DCC: variants seen among roughly 807,000 people sequenced by gnomAD.
The protein encoded by DCC is DCC netrin 1 receptor.
In DCC, 58 loss-of-function variants were observed where a neutral mutation model predicts 172.5. The observed-to-expected ratio is 0.34, with a 90% CI of 0.27 to 0.42. The LOEUF (loss-of-function observed/expected upper bound fraction) is 0.42, where lower values mean the gene tolerates loss of function less well. Among genes scored for constraint, DCC ranks in the 10% least tolerant of loss-of-function variants. The probability of loss-of-function intolerance (pLI) is 1.00; values close to 1 mark genes in which losing one functional copy is unlikely to be tolerated. For missense variants in DCC, 1,740 were observed against 1,791.0 expected (o/e 0.97, Z 0.51); for synonymous variants, 709 against 644.5 (o/e 1.10, Z -1.52).
At chr18:52,688,333 A>T (rs1039190563) in intron 1 of DCC, among the ~76,000 whole-genome samples, 1 of 152,026 alleles carries the variant, frequency 6.6e-6, no homozygotes, top group African/African-American at 2.4e-5. Flanking sequence ...CAATATTTTA[A>T]TTTTATAGAC....
intron 1 of DCC, among the ~76,000 whole-genome samples, chr18:52,503,033 C>G (rs1054256033): frequency 1.3e-5 from 2 of 152,098 alleles, no homozygotes; most frequent in African/African-American, 4.8e-5. Flanking sequence ...CTCAGAAGGG[C>G]CTATTATATA....
At chr18:53,308,045 A>G (rs1461516663) in intron 13 of DCC, among the ~76,000 whole-genome samples, 1 of 150,044 alleles carries the variant, frequency 6.7e-6, no homozygotes, top group African/African-American at 2.4e-5. Flanking sequence ...TCCAAATTCT[A>G]CGAGTTTATC....
chr18:52,649,384 A>AG (rs1441933707), intron 1 of DCC, among the ~76,000 whole-genome samples: 28 of 151,984 alleles, frequency 1.8e-4, no homozygotes, highest in Admixed American at 1.8e-3. Flanking sequence ...AAAAAAAAAA[A>AG]AAAAAGATTA....
In DCC at chr18:53,254,665, G is replaced by T. The variant is rs137950004; in HGVS notation, c.1911+39068G>T. Among the ~76,000 whole-genome samples the T allele has an allele frequency of 1.6e-3, 245 of 152,122 alleles. 2 individuals carry two copies. Among genetic ancestry groups the T allele is most frequent in the African/African-American group, 5.2e-3 (216 of 41,524 alleles). ...ATTCCCATGCAGGATCCTAGGGAAAGTTTATTAGCAGGTGCATTTAAAATA... is the reference window on the plus strand; with the variant it reads ...ATTCCCATGCAGGATCCTAGGGAAATTTTATTAGCAGGTGCATTTAAAATA... On this transcript the variant is annotated intron_variant, in intron 12 of 28. Coordinates refer to ENST00000442544, the MANE Select transcript of DCC (RefSeq NM_005215.4).
chr18:52,611,651 G>A (rs1377807898), intron 1 of DCC, among the ~76,000 whole-genome samples: 1 of 152,160 alleles, frequency 6.6e-6, no homozygotes, highest in Non-Finnish European at 1.5e-5. Flanking sequence ...AAATAGTTCA[G>A]TAATTCAAAT....
At chr18:52,595,654 G>C (rs990726619) in intron 1 of DCC, among the ~76,000 whole-genome samples, 2 of 152,054 alleles carry the variant, frequency 1.3e-5, no homozygotes, top group Admixed American at 1.3e-4. Context: ...AGTCCATTCC[G>C]CTATCATCGC....
chr18:53,519,609 T>C (rs1016558616), intron 27 of DCC, among the ~76,000 whole-genome samples: 24 of 151,734 alleles, frequency 1.6e-4, no homozygotes, highest in African/African-American at 5.1e-4. Context: ...GACTCCAAAA[T>C]TGAGATTATA....
chr18:52,517,118 T>TA (rs1466749814), intron 1 of DCC, among the ~76,000 whole-genome samples: 1 of 152,166 alleles, frequency 6.6e-6, no homozygotes, highest in Non-Finnish European at 1.5e-5. Flanking sequence ...ATGTGGACCA[T>TA]AAGTGACACC....
intron 2 of DCC, among the ~76,000 whole-genome samples, chr18:52,755,637 C>T (rs1232188549): frequency 6.6e-6 from 1 of 152,236 alleles, no homozygotes; most frequent in African/African-American, 2.4e-5. Context: ...AGACCATGGA[C>T]CTGATTTAAT....
At position 53,340,018 on chromosome 18, in the gene DCC, T is replaced by C. The variant is rs73467226; in HGVS notation, c.2359+111T>C. On this transcript the variant is annotated intron_variant, in intron 15 of 28. Transcript: ENST00000442544. ...GGTATGATGGTTTCAACTTACAGCATGTATTAGCTCTGAAAGCAACTGTCT... is the reference window on the plus strand; with the variant it reads ...GGTATGATGGTTTCAACTTACAGCACGTATTAGCTCTGAAAGCAACTGTCT... 1,374 of 868,220 alleles carry C rather than the reference T, an allele frequency of 1.6e-3. 16 individuals carry two copies. The African/African-American group carries it at 0.02, about 13-fold the overall frequency. 53.8% of individuals were successfully genotyped at this position (868,220 alleles called of 1,614,324 possible).
chr18:53,452,473 CAG>C (rs2045426198), intron 23 of DCC, among the ~76,000 whole-genome samples: 1 of 152,104 alleles, frequency 6.6e-6, no homozygotes, highest in Non-Finnish European at 1.5e-5. Context: ...TGTTTCTCCA[CAG>C]AGAGAACACC....
chr18:52,447,359 A>G (rs1356206617), intron 1 of DCC, among the ~76,000 whole-genome samples: 1 of 152,242 alleles, frequency 6.6e-6, no homozygotes, highest in African/African-American at 2.4e-5. Flanking sequence ...GACTGGGTAT[A>G]CAATTTAAAG....
At chr18:52,517,753 T>C (rs1229750372) in intron 1 of DCC, among the ~76,000 whole-genome samples, 3 of 152,176 alleles carry the variant, frequency 2.0e-5, no homozygotes, top group Non-Finnish European at 4.4e-5. Flanking sequence ...TTCCCACTTT[T>C]CTAATTCTGT....
chr18:52,919,023 C>T (rs2040079935), intron 3 of DCC, among the ~76,000 whole-genome samples: 1 of 152,160 alleles, frequency 6.6e-6, no homozygotes, highest in Admixed American at 6.6e-5. Flanking sequence ...CACTTATGTG[C>T]ATTTGGCTGA....
In DCC at chr18:52,721,056, G is replaced by T. The variant is rs550851919; in HGVS notation, c.92-30998G>T. Among the ~76,000 whole-genome samples the T allele has an allele frequency of 2.6e-5, 4 of 152,260 alleles. No homozygotes were observed. The East Asian group carries it at 5.8e-4, about 22-fold the overall frequency. ...CCTCCCCATCCCCTTAAAAAGATGT[G>T]CAGTGTATGATCCCTACAGATAATG... On this transcript the variant is annotated intron_variant, in intron 1 of 28. Coordinates refer to ENST00000442544, the MANE Select transcript of DCC (RefSeq NM_005215.4).
intron 1 of DCC, among the ~76,000 whole-genome samples, chr18:52,682,154 A>G (rs1255389080): frequency 6.6e-6 from 1 of 152,120 alleles, no homozygotes; most frequent in Non-Finnish European, 1.5e-5. Context: ...AACTTTGCCC[A>G]ATTAACTCAG....
chr18:53,319,505 A>T (rs973087928), intron 13 of DCC, among the ~76,000 whole-genome samples: 4 of 152,228 alleles, frequency 2.6e-5, no homozygotes, highest in African/African-American at 9.6e-5. Flanking sequence ...AGCCACAAAG[A>T]TCTAAATTGC....
At chr18:53,025,343 C>A (rs542951923) in intron 5 of DCC, among the ~76,000 whole-genome samples, 12 of 151,976 alleles carry the variant, frequency 7.9e-5, no homozygotes, top group African/African-American at 2.9e-4. Flanking sequence ...TGTAGGTTAA[C>A]GGGGTAGATT....
intron 21 of DCC, among the ~76,000 whole-genome samples, chr18:53,433,324 T>G (rs1568129690): frequency 6.6e-6 from 1 of 152,190 alleles, no homozygotes; most frequent in Non-Finnish European, 1.5e-5. Flanking sequence ...TGGCTTCTTT[T>G]TGCATCCTGC....
Sources: gnomAD v4.1 joint callset for allele counts (sites outside exome capture counted in the v4.1 genomes callset) on GRCh38, gnomAD v4.1.1 for gene constraint, MANE v1.5 for transcripts, NCBI Gene and HGNC (gene_info 2026-07-23, HGNC 2026-07-21) for gene names.